ZNF596: variants seen among roughly 807,000 people sequenced by gnomAD.
ZNF596 encodes the protein zinc finger protein 596.
ZNF596 carries 45 observed loss-of-function variants against 48.3 expected under a neutral mutation model. The ratio of observed to expected loss-of-function variants is 0.93; its 90% CI spans 0.73 to 1.19. The LOEUF (loss-of-function observed/expected upper bound fraction) is 1.19. Ranked by LOEUF, ZNF596 falls within the 50% of genes most tolerant of loss-of-function variation. ZNF596 has a pLI of 0.00. For synonymous variants in ZNF596, 270 were observed against 202.0 expected (o/e 1.34, Z -2.85); for missense variants, 848 against 599.7 (o/e 1.41, Z -4.32).
rs76531964 is a variant in ZNF596, at chr8:242,382, G to C, written c.13-505G>C. On this transcript the variant is annotated intron_variant, in intron 2 of 5. Coordinates refer to ENST00000398612, the MANE Select transcript of ZNF596 (RefSeq NM_001042416.3). Reference sequence around the variant, plus strand: ...GCTTGTATCTAAAAAGTGATAGATAGGAACCACTTTACATACTATCTCATT... The same window carrying C: ...GCTTGTATCTAAAAAGTGATAGATACGAACCACTTTACATACTATCTCATT... Among the ~76,000 whole-genome samples, 844 of 152,278 alleles carry C rather than the reference G, an allele frequency of 5.5e-3. 11 individuals carry two copies. Among genetic ancestry groups the C allele is most frequent in the African/African-American group, 0.019 (806 of 41,556 alleles).
intron 1 of ZNF596, among the ~76,000 whole-genome samples, chr8:239,001 G>A (rs375530829): frequency 5.9e-5 from 9 of 152,154 alleles, no homozygotes; most frequent in African/African-American, 2.2e-4. Context: ...TGGGGCTGAA[G>A]AATACAGTAA....
At chr8:241,781 T>G (rs998975660) in intron 2 of ZNF596, among the ~76,000 whole-genome samples, 1 of 152,142 alleles carries the variant, frequency 6.6e-6, no homozygotes, top group African/African-American at 2.4e-5. Context: ...AGTGGGTAAT[T>G]TATGAAGAAA....
chr8:235,288 G>A (rs1447171555), intron 1 of ZNF596, among the ~76,000 whole-genome samples: 1 of 152,212 alleles, frequency 6.6e-6, no homozygotes, highest in African/African-American at 2.4e-5. Context: ...CTAGCACACT[G>A]ACTGCTCTGC....
intron 1 of ZNF596, among the ~76,000 whole-genome samples, chr8:238,398 G>C (rs1457828658): frequency 6.6e-6 from 1 of 152,050 alleles, no homozygotes; most frequent in African/African-American, 2.4e-5. Flanking sequence ...GCATCGTATA[G>C]CAACTGGCAC....
In ZNF596 at chr8:238,803, G is replaced by A. The variant is rs188724473; in HGVS notation, c.-72-2021G>A. ...GCCTGGGCAACGCGAGTGAAACTCC[G>A]CTTTAAAAAAAAGAAAAAGAAATGG... On this transcript the variant is annotated intron_variant, in intron 1 of 5. Coordinates refer to ENST00000398612, the MANE Select transcript of ZNF596 (RefSeq NM_001042416.3). Among the ~76,000 whole-genome samples the A allele has an allele frequency of 3.5e-3, 535 of 151,794 alleles. 3 individuals carry two copies. The highest frequency in any genetic ancestry group is 0.013 in the African/African-American group (519 of 41,414).
At chr8:234,026 G>A (rs1563060961) in intron 1 of ZNF596, among the ~76,000 whole-genome samples, 2 of 152,322 alleles carry the variant, frequency 1.3e-5, no homozygotes, top group South Asian at 2.1e-4. Context: ...GACAGGGAAA[G>A]AGCAAGACTT....
chr8:242,199 C>T (rs185463231), intron 2 of ZNF596, among the ~76,000 whole-genome samples: 82 of 152,280 alleles, frequency 5.4e-4, no homozygotes, highest in African/African-American at 1.7e-3. Flanking sequence ...GTCTTAGAGT[C>T]CCTGGCTTGT....
chr8:243,799 C>G lies in ZNF596; in HGVS notation c.217C>G (p.Leu73Val). The G allele has an allele frequency of 3.1e-6, 5 of 1,612,970 alleles. No individual in the cohort carries two copies. Among genetic ancestry groups the G allele is most frequent in the Non-Finnish European group, 4.2e-6 (5 of 1,179,432 alleles). ...EKLSTQRISL[L>V]QGREVGIKHQ... ...ACTTTCAACACAAAGAATAAGCTTA[C>G]TGCAAGGTGAGCTCTAAGAAGCAGT... The change falls in exon 4 of 6, where the codon CTG becomes GTG. Residue 73 changes from leucine to valine, a missense_variant. Leu to Val is a conservative substitution (Grantham distance 32). Coordinates refer to ENST00000398612, the MANE Select transcript of ZNF596 (RefSeq NM_001042416.3).
At chr8:232,455 C>T, upstream of ZNF596, 2 of 271,976 alleles carry the variant, frequency 7.4e-6, no homozygotes, top group South Asian at 3.6e-5. Flanking sequence ...CCCAGCCACG[C>T]AGTTCCCTTC....
intron 1 of ZNF596, among the ~76,000 whole-genome samples, chr8:235,050 G>C (rs1381287460): frequency 1.3e-5 from 2 of 152,102 alleles, no homozygotes; most frequent in South Asian, 2.1e-4. Context: ...GTATTGATCT[G>C]GCCACAAAAT....
At chr8:233,111 G>T in intron 1 of ZNF596, 1 of 468,482 alleles carries the variant, frequency 2.1e-6, no homozygotes, top group Non-Finnish European at 4.4e-6. Flanking sequence ...CGAGAAAAGG[G>T]GAGGGAAGTT....
At chr8:244,979 ACT>A (rs1350272448) in intron 5 of ZNF596, among the ~76,000 whole-genome samples, 173 bp from the exon 6 acceptor site, 8 of 152,106 alleles carry the variant, frequency 5.3e-5, no homozygotes, top group African/African-American at 1.9e-4. Context: ...CAACAGGAAA[ACT>A]CTCTACATGC....
In ZNF596 at chr8:243,735, C is replaced by A. The variant is rs780329557; in HGVS notation, c.153C>A (p.Cys51Ter). ...SHLVSIGKQL[C>*]KSVVLSQLEQ... ...TCCCCAAAACAGGCAAACAGCTCTG[C>A]AAATCAGTTGTGCTTTCCCAATTGG... The change falls in exon 4 of 6, where the codon TGC becomes TGA. Residue 51 changes from cysteine (C) to a stop codon, truncating the protein, a stop_gained. Coordinates refer to ENST00000398612, the MANE Select transcript of ZNF596 (RefSeq NM_001042416.3). LOFTEE classifies it high-confidence loss of function. 8 of 1,613,576 alleles carry A rather than the reference C, an allele frequency of 5.0e-6. No individual in the cohort carries two copies. Among genetic ancestry groups the A allele is most frequent in the Non-Finnish European group, 6.8e-6 (8 of 1,179,658 alleles).
chr8:241,581 G>A (rs1353574101), intron 2 of ZNF596, among the ~76,000 whole-genome samples: 1 of 152,092 alleles, frequency 6.6e-6, no homozygotes, highest in African/African-American at 2.4e-5. Flanking sequence ...TTTAATTTTG[G>A]TTGTGCATTA....
intron 1 of ZNF596, chr8:234,717 G>C (rs1796554317): frequency 6.6e-6 from 1 of 152,056 alleles, no homozygotes; most frequent in African/African-American, 2.4e-5. Context: ...TTCCCTTAAC[G>C]TCCTCCCATC....
chr8:237,262 A>G (rs886154411), intron 1 of ZNF596: 1 of 152,014 alleles, frequency 6.6e-6, no homozygotes, highest in African/African-American at 2.4e-5. Flanking sequence ...AAAACTTTTT[A>G]ATTATTGATT....
intron 1 of ZNF596, among the ~76,000 whole-genome samples, chr8:239,247 G>C (rs1236313525): frequency 6.6e-6 from 1 of 152,196 alleles, no homozygotes; most frequent in African/African-American, 2.4e-5. Context: ...GGAGTGCAGT[G>C]GTTCGATCTC....
At chr8:243,308 A>G (rs1584911965) in intron 3 of ZNF596, 1 of 293,462 alleles carries the variant, frequency 3.4e-6, no homozygotes, top group South Asian at 6.6e-5. Flanking sequence ...CTGCTTTGGT[A>G]TGCATAAATA....
At chr8:243,922 C>G in intron 4 of ZNF596, 117 bp downstream of exon 4, 1 of 811,150 alleles carries the variant, frequency 1.2e-6, no homozygotes, top group Non-Finnish European at 1.9e-6. Flanking sequence ...GAATCTCACT[C>G]TGTCACCCAG....
Sources: gnomAD v4.1 joint callset for allele counts (sites outside exome capture counted in the v4.1 genomes callset) on GRCh38, gnomAD v4.1.1 for gene constraint, MANE v1.5 for transcripts, NCBI Gene and HGNC (gene_info 2026-07-23, HGNC 2026-07-21) for gene names.